The following CDH18 variants were observed in gnomAD, a reference collection of about 807,000 sequenced individuals.
CDH18 encodes cadherin 18, also known as cadherin-18.
A neutral mutation model predicts 67.9 loss-of-function variants in CDH18; 31 were observed. The observed-to-expected ratio is 0.46, with a 90% CI of 0.34 to 0.62. The LOEUF is 0.62. CDH18 is among the 20% of genes least tolerant of loss of function. The pLI, the probability that CDH18 is intolerant of heterozygous loss-of-function variation, is 0.01. For missense variants in CDH18, 890 were observed against 975.5 expected, an observed-to-expected ratio of 0.91 and a Z score of 1.17; for synonymous variants, 362 against 347.2, an observed-to-expected ratio of 1.04 and a Z score of -0.48.
At chr5:19,535,009 C>T (rs1749192291) in intron 9 of CDH18, among the ~76,000 whole-genome samples, 1 of 152,138 alleles carries the variant, frequency 6.6e-6, no homozygotes, top group Non-Finnish European at 1.5e-5. Context: ...TTGGAAGCAT[C>T]TCCCTGGGGC....
chr5:19,637,263 T>C (rs537531355), intron 5 of CDH18, among the ~76,000 whole-genome samples: 7 of 152,188 alleles, frequency 4.6e-5, no homozygotes, highest in Non-Finnish European at 8.8e-5. Context: ...TTTTGAATTA[T>C]GCATACACTG....
chr5:19,652,743 T>C (rs561782503), intron 5 of CDH18, among the ~76,000 whole-genome samples: 9 of 152,220 alleles, frequency 5.9e-5, no homozygotes, highest in East Asian at 5.8e-4. Flanking sequence ...GGAGTACAGA[T>C]TGCAGAACCC....
At chr5:20,222,347 G>T (rs935184541) in intron 2 of CDH18, among the ~76,000 whole-genome samples, 5 of 152,060 alleles carry the variant, frequency 3.3e-5, no homozygotes, top group African/African-American at 1.2e-4. Context: ...TGGTATCTCT[G>T]TACTATAGGT....
intron 1 of CDH18, among the ~76,000 whole-genome samples, chr5:20,335,252 C>G (rs544616535): frequency 3.6e-4 from 55 of 152,126 alleles, no homozygotes; most frequent in Non-Finnish European, 6.3e-4. Context: ...AGTCTCTATT[C>G]CCCCAGGACT....
At chr5:19,538,710 A>T (rs1256165253) in intron 9 of CDH18, among the ~76,000 whole-genome samples, 1 of 152,130 alleles carries the variant, frequency 6.6e-6, no homozygotes, top group African/African-American at 2.4e-5. Flanking sequence ...TATGACCCTG[A>T]AACAAGGCCT....
At position 19,475,533 on chromosome 5, in the gene CDH18, A is replaced by AACAC. The variant is rs143709369; in HGVS notation, c.1883-1821_1883-1818dup. Reference sequence around the variant, plus strand: ...CTATTGTTGGTTGGAGACCATCTGCAACACACACACACACACACACATACA... The same window carrying AACAC: ...CTATTGTTGGTTGGAGACCATCTGCAACACACACACACACACACACACACATACA... On this transcript the variant is annotated intron_variant, in intron 12 of 12. Coordinates refer to ENST00000382275, the MANE Select transcript of CDH18 (RefSeq NM_004934.5). Among the ~76,000 whole-genome samples, 212 of 146,892 alleles carry AACAC rather than the reference A, an allele frequency of 1.4e-3. 5 individuals carry two copies. The South Asian group carries it at 0.034, about 24-fold the overall frequency.
chr5:19,632,930 C>A (rs1752618485), intron 5 of CDH18, among the ~76,000 whole-genome samples: 1 of 152,102 alleles, frequency 6.6e-6, no homozygotes, highest in South Asian at 2.1e-4. Flanking sequence ...TGTTTTGCAT[C>A]AGCTGGCTGC....
intron 1 of CDH18, among the ~76,000 whole-genome samples, chr5:20,388,441 T>C (rs1221452178): frequency 6.6e-6 from 1 of 152,144 alleles, no homozygotes; most frequent in Non-Finnish European, 1.5e-5. Flanking sequence ...TTATTGCGTC[T>C]GTTTGATGCT....
chr5:20,291,669 A>C (rs1411132974), intron 1 of CDH18, among the ~76,000 whole-genome samples: 2 of 152,086 alleles, frequency 1.3e-5, no homozygotes, highest in Non-Finnish European at 2.9e-5. Flanking sequence ...CAGGGAATAG[A>C]TTTTCAAAGA....
At chr5:20,256,517 T>G (rs1744244895) in intron 1 of CDH18, among the ~76,000 whole-genome samples, 1 of 152,134 alleles carries the variant, frequency 6.6e-6, no homozygotes, top group South Asian at 2.1e-4. Context: ...AACATTATTA[T>G]TTATACTAGG....
intron 2 of CDH18, among the ~76,000 whole-genome samples, chr5:20,025,717 T>A (rs1738836475): frequency 6.6e-6 from 1 of 152,224 alleles, no homozygotes; most frequent in African/African-American, 2.4e-5. Context: ...AATTTTCTCT[T>A]AATCAGCTTT....
chr5:19,651,305 A>C (rs1023197997), intron 5 of CDH18, among the ~76,000 whole-genome samples: 6 of 152,052 alleles, frequency 3.9e-5, no homozygotes, highest in African/African-American at 1.4e-4. Flanking sequence ...GTAGAAATAA[A>C]ATTGCTAGAA....
intron 5 of CDH18, among the ~76,000 whole-genome samples, chr5:19,663,936 T>C (rs889999002): frequency 1.3e-5 from 2 of 151,834 alleles, no homozygotes; most frequent in Non-Finnish European, 2.9e-5. Context: ...TAGGAAATTG[T>C]TAAGAGGAAA....
intron 1 of CDH18, among the ~76,000 whole-genome samples, chr5:20,275,706 C>CA (rs1426441163): frequency 2.0e-5 from 3 of 152,078 alleles, no homozygotes; most frequent in Admixed American, 6.6e-5. Flanking sequence ...GCTTTCCACA[C>CA]AAAAAATCAC....
At chr5:20,073,645 T>A (rs1743676739) in intron 2 of CDH18, among the ~76,000 whole-genome samples, 1 of 152,058 alleles carries the variant, frequency 6.6e-6, no homozygotes, top group Admixed American at 6.6e-5. Context: ...CTACTTATAT[T>A]TGAGACAGTA....
At chr5:19,898,007 CT>C (rs1789539344) in intron 2 of CDH18, among the ~76,000 whole-genome samples, 1 of 152,018 alleles carries the variant, frequency 6.6e-6, no homozygotes, top group South Asian at 2.1e-4. Context: ...GATATGTATG[CT>C]TTTCTATATG....
chr5:20,332,697 TAATATTA>T (rs1190461101), intron 1 of CDH18, among the ~76,000 whole-genome samples: 1 of 152,352 alleles, frequency 6.6e-6, no homozygotes, highest in East Asian at 1.9e-4. Context: ...AAAACAATTC[TAATATTA>T]AATATTGAAA....
At chr5:19,611,258 G>A (rs1748909616) in intron 6 of CDH18, among the ~76,000 whole-genome samples, 1 of 151,702 alleles carries the variant, frequency 6.6e-6, no homozygotes, top group Non-Finnish European at 1.5e-5. Context: ...AGTATAACAT[G>A]AACAAGCATG....
intron 2 of CDH18, among the ~76,000 whole-genome samples, chr5:20,021,117 G>T (rs189572030): frequency 1.7e-4 from 26 of 152,174 alleles, no homozygotes; most frequent in Admixed American, 1.0e-3. Context: ...GTTGGGAATT[G>T]CATGGGGGCT....
Sources: gnomAD v4.1 joint callset for allele counts (sites outside exome capture counted in the v4.1 genomes callset) on GRCh38, gnomAD v4.1.1 for gene constraint, MANE v1.5 for transcripts, NCBI Gene and HGNC (gene_info 2026-07-23, HGNC 2026-07-21) for gene names.